The following IL20RA variants were observed in gnomAD, a reference collection of about 807,000 sequenced individuals.
The protein encoded by IL20RA is interleukin 20 receptor subunit alpha, also known as interleukin-20 receptor subunit alpha.
A neutral mutation model predicts 36.5 loss-of-function variants in IL20RA; 29 were observed. The ratio of observed to expected loss-of-function variants is 0.79; its 90% CI spans 0.59 to 1.08. The LOEUF (loss-of-function observed/expected upper bound fraction) is 1.08. IL20RA is among the 50% of genes least tolerant of loss of function. IL20RA has a pLI of 0.00. For missense variants in IL20RA, 652 were observed against 668.4 expected (o/e 0.98, Z 0.27); for synonymous variants, 279 against 267.1 (o/e 1.04, Z -0.43).
Position 137,030,298 on chromosome 6 carries a change from C to A in IL20RA, c.89-13195G>T, listed in dbSNP as rs1359987126. On this transcript the variant is annotated intron_variant, in intron 1 of 6. Coordinates refer to ENST00000316649, the MANE Select transcript of IL20RA (RefSeq NM_014432.4). The stretch of plus-strand genomic sequence containing the variant: ...CGGGGTCTCATTAATGTTGCCCAAG[C>A]TGGTCTCAAACTTTTGGGCTCAAGT... 2.0e-5 allele frequency among the ~76,000 whole-genome samples: 3 copies of A among 151,844 alleles called. No homozygotes were observed. The East Asian group carries it at 5.8e-4, about 29-fold the overall frequency.
In IL20RA at chr6:137,038,284, T is replaced by C. The variant is rs1004243184; in HGVS notation, c.88+6357A>G. ...GGCTGGAGTTGCAGTGGTGCGATCA[T>C]AGCTCACTGCAGCCCCAAACTCCTG... is the stretch of plus-strand genomic sequence containing the variant. On this transcript the variant is annotated intron_variant, in intron 1 of 6. Transcript: ENST00000316649. Among the ~76,000 whole-genome samples, 4 of 134,772 alleles carry C rather than the reference T, an allele frequency of 3.0e-5. No homozygotes were observed. In the Admixed American group the frequency reaches 3.2e-4, roughly 11 times the overall value. The allele number at this position is 134,772 out of a possible 152,430, so 88.4% of individuals were successfully genotyped here.
Position 137,001,371 on chromosome 6 carries a change from G to A in IL20RA, c.*187C>T. 2.0e-6 allele frequency: 1 copy of A among 495,012 alleles called. No individual in the cohort carries two copies. The highest frequency in any genetic ancestry group is 3.2e-5 in the East Asian group (1 of 30,826). The allele number at this position is 495,012 out of a possible 1,614,324, so 30.7% of individuals were successfully genotyped here. ...TGGACTCCAGAGGCCCACCATCATT[G>A]TTAAGAGACCTACATGCATGAACCA... On this transcript the variant is annotated 3_prime_UTR_variant, in exon 7 of 7. Coordinates refer to ENST00000316649, the MANE Select transcript of IL20RA (RefSeq NM_014432.4).
chr6:137,044,857 G>T lies in IL20RA; in HGVS notation c.-129C>A. The T allele has an allele frequency of 1.1e-6, 1 of 883,764 alleles. No homozygotes were observed. The highest frequency in any genetic ancestry group is 1.5e-6 in the Non-Finnish European group (1 of 682,212). The allele number at this position is 883,764 out of a possible 1,614,324, so 54.7% of individuals were successfully genotyped here. A position where few individuals can be genotyped will look rare whatever the true frequency, so the allele number is the denominator to read the frequency against. On this transcript the variant is annotated 5_prime_UTR_variant, in exon 1 of 7. Coordinates refer to ENST00000316649, the MANE Select transcript of IL20RA (RefSeq NM_014432.4). ...CTGCGTGCCACGCTCCAGGCGACCT[G>T]AGTCCCAGGGCGCCTCCGCCACAGC...
At chr6:137,041,803 TA>T (rs1173319674) in intron 1 of IL20RA, among the ~76,000 whole-genome samples, 11 of 143,414 alleles carry the variant, frequency 7.7e-5, no homozygotes, top group Non-Finnish European at 1.7e-4. Flanking sequence ...AAGACCCTGT[TA>T]TTTTTTTTTA....
In IL20RA at chr6:137,044,226, C is replaced by T. The variant is rs1195290363; in HGVS notation, c.88+415G>A. On this transcript the variant is annotated intron_variant, in intron 1 of 6. Transcript: ENST00000316649. The stretch of plus-strand genomic sequence containing the variant: ...CCCGGCGGCCGAGACGCGGCATCCA[C>T]AGGGGCCCCTCCGCGCGGCCGCGGC... 8.1e-6 allele frequency: 8 copies of T among 988,764 alleles called. No homozygotes were observed. In the South Asian group the frequency reaches 3.8e-4, roughly 46 times the overall value. 61.2% of individuals were successfully genotyped at this position (988,764 alleles called of 1,614,324 possible). A position where few individuals can be genotyped will look rare whatever the true frequency, so the allele number is the denominator to read the frequency against.
intron 2 of IL20RA, among the ~76,000 whole-genome samples, chr6:137,013,078 A>G (rs1287403615): frequency 6.6e-6 from 1 of 152,234 alleles, no homozygotes; most frequent in Non-Finnish European, 1.5e-5. Context: ...AAAATTGTAC[A>G]AGAAAATATT....
chr6:137,020,867 G>A (rs1370573050), intron 1 of IL20RA, among the ~76,000 whole-genome samples: 2 of 152,134 alleles, frequency 1.3e-5, no homozygotes, highest in Admixed American at 6.5e-5. Flanking sequence ...TTATCTTTCT[G>A]ATGGCAGAGG....
At chr6:137,044,267 C>T (rs571055681) in intron 1 of IL20RA, 2 of 995,950 alleles carry the variant, frequency 2.0e-6, no homozygotes, top group South Asian at 9.4e-5. Flanking sequence ...TGGCGGGAAC[C>T]TGGGACTGGC....
chr6:137,027,366 T>G (rs1056476483), intron 1 of IL20RA, among the ~76,000 whole-genome samples: 1 of 152,228 alleles, frequency 6.6e-6, no homozygotes, highest in Non-Finnish European at 1.5e-5. Context: ...ATTGCTGGAC[T>G]GGTGCGCTGC....
chr6:137,012,037 A>G (rs1775521558), intron 2 of IL20RA, among the ~76,000 whole-genome samples: 1 of 152,080 alleles, frequency 6.6e-6, no homozygotes, highest in Non-Finnish European at 1.5e-5. Flanking sequence ...TAAAAACACA[A>G]CCCCCATAGC....
chr6:137,005,255 T>C (rs375160841), intron 5 of IL20RA, among the ~76,000 whole-genome samples: 20 of 152,210 alleles, frequency 1.3e-4, no homozygotes, highest in Non-Finnish European at 1.5e-4. Context: ...CACTTTTATA[T>C]GAGTAGCAGA....
In IL20RA at chr6:137,001,657, G is replaced by T. The variant is rs747454638; in HGVS notation, c.1563C>A (p.Leu521=). ...GLGEEGLLSR[L]YEEPAPDRPP... Reference sequence around the variant, plus strand: ...GCCTGTCTGGAGCCGGCTCCTCATAGAGTCTAGATAGAAGACCCTCCTCTC... The same window carrying T: ...GCCTGTCTGGAGCCGGCTCCTCATATAGTCTAGATAGAAGACCCTCCTCTC... Residue 521 remains leucine (L), a synonymous_variant, in exon 7 of 7, where the codon CTC becomes CTA. Transcript: ENST00000316649. The T allele has an allele frequency of 6.2e-7, 1 of 1,613,910 alleles. No individual in the cohort carries two copies. The highest frequency in any genetic ancestry group is 1.1e-5 in the South Asian group (1 of 91,064).
chr6:137,011,181 C>T, intron 3 of IL20RA, 93 bp downstream of exon 3: 1 of 1,047,668 alleles, frequency 9.5e-7, no homozygotes, highest in Admixed American at 2.2e-5. Flanking sequence ...AGCAGAGTAC[C>T]TTCCTCTGGG....
At chr6:137,004,159 C>G (rs1042655229) in intron 6 of IL20RA, among the ~76,000 whole-genome samples, 3 of 88,014 alleles carry the variant, frequency 3.4e-5, no homozygotes, top group Admixed American at 1.3e-4. Context: ...ATCCAGAAAG[C>G]TTTTTTTTTT....
At chr6:137,024,848 G>C (rs1776030578) in intron 1 of IL20RA, among the ~76,000 whole-genome samples, 1 of 152,190 alleles carries the variant, frequency 6.6e-6, no homozygotes, top group Non-Finnish European at 1.5e-5. Flanking sequence ...CCTGACCACA[G>C]ACACCTGGGC....
intron 1 of IL20RA, among the ~76,000 whole-genome samples, chr6:137,033,627 G>A (rs763201487): frequency 5.3e-5 from 8 of 152,052 alleles, no homozygotes; most frequent in South Asian, 4.1e-4. Context: ...CTCCCCTTCC[G>A]CCTTCTGCCA....
At chr6:137,033,945 G>A (rs1351691690) in intron 1 of IL20RA, among the ~76,000 whole-genome samples, 1 of 152,266 alleles carries the variant, frequency 6.6e-6, no homozygotes. Flanking sequence ...ACTGGACCAG[G>A]CAAGACAGTT....
chr6:137,026,797 C>T (rs1035161385), intron 1 of IL20RA, among the ~76,000 whole-genome samples: 2 of 152,158 alleles, frequency 1.3e-5, no homozygotes, highest in African/African-American at 4.8e-5. Flanking sequence ...TCTTCTGTCC[C>T]AAGTTACGAA....
intron 1 of IL20RA, among the ~76,000 whole-genome samples, chr6:137,039,637 A>G (rs1259105106): frequency 6.6e-6 from 1 of 152,206 alleles, no homozygotes; most frequent in Admixed American, 6.5e-5. Flanking sequence ...CAAAGTAGAA[A>G]TGATGTCAGA....
Sources: gnomAD v4.1 joint callset for allele counts (sites outside exome capture counted in the v4.1 genomes callset) on GRCh38, gnomAD v4.1.1 for gene constraint, MANE v1.5 for transcripts, NCBI Gene and HGNC (gene_info 2026-07-23, HGNC 2026-07-21) for gene names.